SLC6A9: variants seen among roughly 807,000 people sequenced by gnomAD.
SLC6A9 encodes the protein sodium- and chloride-dependent glycine transporter 1.
A neutral mutation model predicts 70.9 loss-of-function variants in SLC6A9; 31 were observed. That is an observed-to-expected ratio of 0.44 (90% CI 0.33 to 0.59). SLC6A9 has a LOEUF of 0.59. Ranked by LOEUF, SLC6A9 falls within the 20% of genes least tolerant of loss-of-function variation. The probability of loss-of-function intolerance (pLI) is 0.04; values close to 1 mark genes in which losing one functional copy is unlikely to be tolerated. For synonymous variants in SLC6A9, 310 were observed against 341.3 expected (o/e 0.91, Z 1.01); for missense variants, 631 against 845.2 (o/e 0.75, Z 3.14).
At chr1:44,008,665 G>A (rs1234095972) in intron 4 of SLC6A9, 42 bp from the exon 5 acceptor site, 3 of 1,523,592 alleles carry the variant, frequency 2.0e-6, no homozygotes, top group African/African-American at 1.4e-5. Context: ...TCAGCATCCA[G>A]CAGGAGGAGG....
In SLC6A9 at chr1:43,996,545, T is replaced by C. The variant is rs1210189765; in HGVS notation, c.*1000A>G. The C allele has an allele frequency of 4.9e-6, 1 of 203,464 alleles. No individual in the cohort carries two copies. Among genetic ancestry groups the C allele is most frequent in the African/African-American group, 2.3e-5 (1 of 42,804 alleles). 12.6% of individuals were successfully genotyped at this position (203,464 alleles called of 1,614,324 possible). ...ACTTTAAAATCCTAGTGGTGCACAATGGGCAGGGATGGGCGGCGCACCGTT... is the reference window on the plus strand; with the variant it reads ...ACTTTAAAATCCTAGTGGTGCACAACGGGCAGGGATGGGCGGCGCACCGTT... On this transcript the variant is annotated 3_prime_UTR_variant, in exon 14 of 14. Transcript: ENST00000372310.
chr1:43,998,985 G>GA (rs1553160181), intron 12 of SLC6A9, among the ~76,000 whole-genome samples: 4 of 151,448 alleles, frequency 2.6e-5, no homozygotes, highest in East Asian at 2.0e-4. Context: ...CGGGGGAAGG[G>GA]GGGGGGCAGT....
At chr1:44,017,449 C>A (rs72544123) in intron 2 of SLC6A9, 7 of 959,492 alleles carry the variant, frequency 7.3e-6, no homozygotes, top group South Asian at 2.1e-5. Flanking sequence ...TCACTCCCCC[C>A]ACGGAGCTGA....
intron 3 of SLC6A9, chr1:44,010,463 G>GGGGGC (rs1553162571): frequency 4.3e-6 from 1 of 232,526 alleles, no homozygotes; most frequent in Non-Finnish European, 8.6e-6. Flanking sequence ...GGGCGGGGGG[G>GGGGGC]GGGGGGGGTT....
At chr1:44,016,093 C>G (rs2086731317) in intron 2 of SLC6A9, among the ~76,000 whole-genome samples, 1 of 152,238 alleles carries the variant, frequency 6.6e-6, no homozygotes, top group African/African-American at 2.4e-5. Context: ...ACTGGCACCC[C>G]CAGGCATGCC....
intron 4 of SLC6A9, among the ~76,000 whole-genome samples, chr1:44,009,761 A>T: frequency 6.6e-6 from 1 of 152,200 alleles, no homozygotes; most frequent in Non-Finnish European, 1.5e-5. Flanking sequence ...TTGTGTGTAC[A>T]CGTGGTAGGA....
At chr1:44,008,867 C>T (rs2086428043) in intron 4 of SLC6A9, among the ~76,000 whole-genome samples, 1 of 149,974 alleles carries the variant, frequency 6.7e-6, no homozygotes, top group African/African-American at 2.5e-5. Flanking sequence ...CTACAGGCGC[C>T]CACCACCACG....
intron 5 of SLC6A9, among the ~76,000 whole-genome samples, chr1:44,005,312 G>A (rs1220753605): frequency 6.6e-6 from 1 of 152,196 alleles, no homozygotes; most frequent in Non-Finnish European, 1.5e-5. Flanking sequence ...TGAAGAGGGT[G>A]GCGAGGGAGG....
At chr1:44,022,722 C>CTTTTTTTTTTTTTTTTTTTTTT (rs71307650) in intron 2 of SLC6A9, among the ~76,000 whole-genome samples, 5 of 118,956 alleles carry the variant, frequency 4.2e-5, no homozygotes, top group East Asian at 2.7e-4. Context: ...TTCTTTCTTT[C>CTTTTTTTTTTTTTTTTTTTTTT]TTTTTTTTTT....
chr1:44,030,709 C>T (rs912061988), intron 1 of SLC6A9, among the ~76,000 whole-genome samples: 5 of 152,078 alleles, frequency 3.3e-5, no homozygotes, highest in Admixed American at 6.5e-5. Flanking sequence ...GCGCGGCTTC[C>T]CGGGTCCCGC....
intron 1 of SLC6A9, among the ~76,000 whole-genome samples, chr1:44,028,318 T>G (rs1044320361): frequency 3.5e-4 from 53 of 151,654 alleles, no homozygotes; most frequent in African/African-American, 1.3e-3. Context: ...AGGGCAAGGG[T>G]GCCTATTGAA....
Position 44,018,437 on chromosome 1 carries a change from A to G in SLC6A9, c.30+5811T>C, listed in dbSNP as rs899195172. On this transcript the variant is annotated intron_variant, in intron 2 of 13. Transcript: ENST00000372310. The surrounding 1 kb of genome is among the most constrained non-coding windows in gnomAD (Gnocchi z 4.2). ...GAGACCAACCCCATCTCTACTAAAA[A>G]TACAAAATTAGCTGGGCGTGGTGGC... Among the ~76,000 whole-genome samples, 5 of 151,964 alleles carry G rather than the reference A, an allele frequency of 3.3e-5. No homozygotes were observed. Among genetic ancestry groups the G allele is most frequent in the Non-Finnish European group, 7.4e-5 (5 of 68,004 alleles).
At chr1:44,000,612 C>T (rs2086054637) in intron 12 of SLC6A9, among the ~76,000 whole-genome samples, 155 bp downstream of exon 12, 1 of 152,260 alleles carries the variant, frequency 6.6e-6, no homozygotes, top group Non-Finnish European at 1.5e-5. Flanking sequence ...CTCTCTGACT[C>T]TCTCCAACCT....
intron 2 of SLC6A9, among the ~76,000 whole-genome samples, chr1:44,023,133 A>G (rs1020737437): frequency 6.6e-6 from 1 of 152,166 alleles, no homozygotes; most frequent in African/African-American, 2.4e-5. Flanking sequence ...AAAGCAACAC[A>G]GGGGATTGAA....
At chr1:44,021,934 A>G (rs2086890704) in intron 2 of SLC6A9, among the ~76,000 whole-genome samples, 1 of 152,240 alleles carries the variant, frequency 6.6e-6, no homozygotes, top group African/African-American at 2.4e-5. Context: ...TCATCAGCAG[A>G]ACTGAAAAGG....
At chr1:44,012,373 C>T (rs1381081235) in intron 2 of SLC6A9, among the ~76,000 whole-genome samples, 2 of 151,536 alleles carry the variant, frequency 1.3e-5, no homozygotes, top group African/African-American at 2.4e-5. Flanking sequence ...TGTGGGGCAG[C>T]CACCCTGTGC....
chr1:44,028,193 T>A (rs1050417914), intron 1 of SLC6A9, among the ~76,000 whole-genome samples: 1 of 152,042 alleles, frequency 6.6e-6, no homozygotes, highest in Non-Finnish European at 1.5e-5. Context: ...TGGAACAATA[T>A]GTGGAAAGGC....
intron 2 of SLC6A9, among the ~76,000 whole-genome samples, chr1:44,021,664 C>A (rs147178248): frequency 2.6e-5 from 4 of 152,350 alleles, no homozygotes; most frequent in Admixed American, 2.0e-4. Context: ...CTCACACACA[C>A]GCCCCTTAAC....
At chr1:43,998,752 G>A (rs994949996) in intron 12 of SLC6A9, among the ~76,000 whole-genome samples, 3 of 152,214 alleles carry the variant, frequency 2.0e-5, no homozygotes, top group Non-Finnish European at 4.4e-5. Context: ...ATGGAAAGAG[G>A]GTAGGGCAAA....
Sources: gnomAD v4.1 joint callset for allele counts (sites outside exome capture counted in the v4.1 genomes callset) on GRCh38, gnomAD v4.1.1 for gene constraint, Gnocchi (gnomAD v3.1) non-coding constraint, MANE v1.5 for transcripts, NCBI Gene and HGNC (gene_info 2026-07-23, HGNC 2026-07-21) for gene names.